Variants in LRRC1 observed in about 807,000 individuals in gnomAD.
The protein encoded by LRRC1 is leucine-rich repeat-containing protein 1.
Under a neutral mutation model 69.9 loss-of-function variants are expected in LRRC1, and 28 were observed. That is an observed-to-expected ratio of 0.40 (90% confidence interval 0.30 to 0.55). LRRC1 has a LOEUF of 0.55. LRRC1 is among the 20% of genes least tolerant of loss of function. The probability of loss-of-function intolerance (pLI) is 0.47; values close to 1 mark genes in which losing one functional copy is unlikely to be tolerated. For synonymous variants in LRRC1, 236 were observed against 240.2 expected (o/e 0.98, Z 0.16); for missense variants, 498 against 609.0 (o/e 0.82, Z 1.92).
At chr6:53,817,976 A>T (rs1765000595) in intron 1 of LRRC1, among the ~76,000 whole-genome samples, 1 of 152,246 alleles carries the variant, frequency 6.6e-6, no homozygotes, top group South Asian at 2.1e-4. Context: ...TATTTTAAAG[A>T]GCATTTTATG....
chr6:53,864,635 T>C (rs1000002501), intron 2 of LRRC1, among the ~76,000 whole-genome samples: 5 of 152,128 alleles, frequency 3.3e-5, no homozygotes, highest in African/African-American at 7.3e-5. Context: ...TCTCAATACT[T>C]GTGGCAAAGA....
intron 2 of LRRC1, among the ~76,000 whole-genome samples, chr6:53,863,278 A>G (rs1766589778): frequency 1.3e-5 from 2 of 152,114 alleles, no homozygotes; most frequent in African/African-American, 4.8e-5. Flanking sequence ...TAGCATTGCC[A>G]AGTAGATGCA....
Position 53,913,851 on chromosome 6 carries a change from T to C in LRRC1, c.991-3T>C. The C allele has an allele frequency of 6.3e-7, 1 of 1,594,512 alleles. No homozygotes were observed. Among genetic ancestry groups the C allele is most frequent in the Non-Finnish European group, 8.6e-7 (1 of 1,164,068 alleles). ...AAAAGATGTATTTTCTTTCTCACCA[T>C]AGATCGGCGGGTGCTGCAGCCTCAC... On this transcript the variant is annotated splice_region_variant and splice_polypyrimidine_tract_variant and intron_variant, in intron 10 of 13. Transcript: ENST00000370888.
At chr6:53,813,752 AG>A (rs947586839) in intron 1 of LRRC1, among the ~76,000 whole-genome samples, 1 of 152,050 alleles carries the variant, frequency 6.6e-6, no homozygotes, top group African/African-American at 2.4e-5. Context: ...GGACTGTGGC[AG>A]GGGGTGAAGT....
intron 3 of LRRC1, among the ~76,000 whole-genome samples, chr6:53,880,354 C>T (rs1360847582): frequency 6.6e-6 from 1 of 152,192 alleles, no homozygotes; most frequent in Non-Finnish European, 1.5e-5. Context: ...TCCCCACCAT[C>T]TTCCATTCAA....
intron 2 of LRRC1, among the ~76,000 whole-genome samples, chr6:53,861,982 A>T (rs3935664): frequency 6.6e-6 from 1 of 151,962 alleles, no homozygotes; most frequent in East Asian, 1.9e-4. Flanking sequence ...GAGCCTGACC[A>T]TAGAGGCTTA....
chr6:53,829,562 G>T (rs915576556), intron 1 of LRRC1, among the ~76,000 whole-genome samples: 3 of 152,164 alleles, frequency 2.0e-5, no homozygotes, highest in African/African-American at 4.8e-5. Context: ...AGAGAGAAAA[G>T]GGGCCCATGG....
Position 53,795,337 on chromosome 6 carries a change from C to T in LRRC1, c.81C>T (p.Val27=), listed in dbSNP as rs139342978. The T allele has an allele frequency of 4.3e-6, 7 of 1,613,686 alleles. 1 individual carries two copies. The highest frequency in any genetic ancestry group is 4.5e-5 in the East Asian group (2 of 44,878). The stretch of plus-strand genomic sequence containing the variant: ...AGCGCCACTGCTCGCTGGTCTACGT[C>T]CCCGAGGAGATCTACCGCTATGCCC... ...IDKRHCSLVY[V]PEEIYRYARS... The change falls in exon 1 of 14, where the codon GTC becomes GTT. Residue 27 remains valine (V), a synonymous_variant. Coordinates refer to ENST00000370888, the MANE Select transcript of LRRC1 (RefSeq NM_018214.5).
rs531219595 is a variant in LRRC1, at chr6:53,824,938, T to C, written c.160-17172T>C. ...GACCCTGACACATTTTAGCTCACTA[T>C]GTAGGGGAACATTTTTCTTTCATTA... On this transcript the variant is annotated intron_variant, in intron 1 of 13. Coordinates refer to ENST00000370888, the MANE Select transcript of LRRC1 (RefSeq NM_018214.5). 6.6e-5 allele frequency among the ~76,000 whole-genome samples: 10 copies of C among 152,358 alleles called. No homozygotes were observed. In the East Asian group the frequency reaches 1.9e-3, roughly 29 times the overall value.
intron 4 of LRRC1, among the ~76,000 whole-genome samples, chr6:53,892,216 C>T (rs902575480): frequency 1.9e-4 from 29 of 151,976 alleles, no homozygotes; most frequent in African/African-American, 7.0e-4. Flanking sequence ...GTTCAAGCTT[C>T]CTCTCTGTGC....
At chr6:53,887,312 A>G (rs1767519837) in intron 4 of LRRC1, among the ~76,000 whole-genome samples, 1 of 152,216 alleles carries the variant, frequency 6.6e-6, no homozygotes. Context: ...AAAGAAACAA[A>G]TGCTTTACCA....
chr6:53,896,246 A>T (rs1464667519), intron 4 of LRRC1, among the ~76,000 whole-genome samples: 1 of 152,242 alleles, frequency 6.6e-6, no homozygotes, highest in East Asian at 1.9e-4. Context: ...ATTTGAATGA[A>T]GGTGCTTTGT....
At chr6:53,894,798 T>C (rs548682911) in intron 4 of LRRC1, among the ~76,000 whole-genome samples, 1 of 152,342 alleles carries the variant, frequency 6.6e-6, no homozygotes, top group South Asian at 2.1e-4. Context: ...TCCCCTTCCC[T>C]TTGTTGTTTC....
At chr6:53,809,895 G>T (rs770741994) in intron 1 of LRRC1, among the ~76,000 whole-genome samples, 1 of 152,256 alleles carries the variant, frequency 6.6e-6, no homozygotes, top group African/African-American at 2.4e-5. Flanking sequence ...GCAGTGCTGG[G>T]CGCTTGTATG....
intron 1 of LRRC1, among the ~76,000 whole-genome samples, chr6:53,807,747 TCAACAACAACAA>T (rs60487267): frequency 1.0e-3 from 158 of 150,558 alleles, no homozygotes; most frequent in Non-Finnish European, 1.4e-3. Context: ...CTCCGTGTCG[TCAACAACAACAA>T]CAACAACAAC....
chr6:53,886,903 G>A (rs1767503315), intron 4 of LRRC1, among the ~76,000 whole-genome samples: 1 of 152,162 alleles, frequency 6.6e-6, no homozygotes, highest in Admixed American at 6.5e-5. Flanking sequence ...GTATGTACTG[G>A]GATCAGCTTG....
chr6:53,920,878 T>C (rs187836543), intron 13 of LRRC1, 117 bp downstream of exon 13: 14 of 1,179,254 alleles, frequency 1.2e-5, no homozygotes, highest in Admixed American at 7.1e-5. Flanking sequence ...GCCTTCAGCA[T>C]TTAGGAATTT....
chr6:53,857,842 GA>G (rs1419766094), intron 2 of LRRC1, among the ~76,000 whole-genome samples: 11 of 152,188 alleles, frequency 7.2e-5, no homozygotes, highest in Non-Finnish European at 1.5e-4. Context: ...TTACCTTGAG[GA>G]AACAGCAGCG....
rs533991377 is a variant in LRRC1 at position 53,879,406 on chromosome 6, C to T, written c.356+335C>T. Among the ~76,000 whole-genome samples the T allele has an allele frequency of 8.5e-5, 13 of 152,262 alleles. No individual in the cohort carries two copies. The East Asian group carries it at 2.3e-3, about 27-fold the overall frequency. ...GTTCAAGTGATTCTCCTGCCTCAGC[C>T]TCCTGAGTAGCTGGGACTACAGGCA... On this transcript the variant is annotated intron_variant, in intron 3 of 13. Coordinates refer to ENST00000370888, the MANE Select transcript of LRRC1 (RefSeq NM_018214.5).
Sources: gnomAD v4.1 joint callset for allele counts (sites outside exome capture counted in the v4.1 genomes callset) on GRCh38, gnomAD v4.1.1 for gene constraint, MANE v1.5 for transcripts, NCBI Gene and HGNC (gene_info 2026-07-23, HGNC 2026-07-21) for gene names.